The following SEMA3E variants were observed in gnomAD, a reference collection of about 807,000 sequenced individuals.
SEMA3E encodes semaphorin-3E.
In SEMA3E, 49 loss-of-function variants were observed where a neutral mutation model predicts 93.6. That is an observed-to-expected ratio of 0.52 (90% CI 0.42 to 0.66). SEMA3E has a LOEUF of 0.66. Among genes scored for constraint, SEMA3E ranks in the 30% least tolerant of loss-of-function variants. The pLI is 0.00. For missense variants in SEMA3E, 906 were observed against 964.8 expected (o/e 0.94, Z 0.81); for synonymous variants, 363 against 330.7 (o/e 1.10, Z -1.06).
intron 10 of SEMA3E, among the ~76,000 whole-genome samples, chr7:83,402,320 G>C (rs1484331760): frequency 6.6e-6 from 1 of 151,924 alleles, no homozygotes; most frequent in East Asian, 1.9e-4. Flanking sequence ...TCATGTTACT[G>C]AATGTTTCTG....
At chr7:83,407,298 A>AAAT in intron 6 of SEMA3E, 59 bp from the exon 7 acceptor site, 3 of 1,367,368 alleles carry the variant, frequency 2.2e-6, no homozygotes, top group Non-Finnish European at 3.1e-6. Context: ...AATGCTAACA[A>AAAT]GTTATTCCAA....
chr7:83,418,602 C>A (rs772535481), intron 4 of SEMA3E, 119 bp from the exon 5 acceptor site: 16 of 751,328 alleles, frequency 2.1e-5, no homozygotes, highest in Non-Finnish European at 3.5e-5. Flanking sequence ...AATAGAGCAC[C>A]AGTAGCATCA....
intron 2 of SEMA3E, among the ~76,000 whole-genome samples, chr7:83,482,707 A>G (rs1240190750): frequency 1.3e-5 from 2 of 151,930 alleles, no homozygotes; most frequent in African/African-American, 4.8e-5. Context: ...CACAATGCCT[A>G]CTCTTAGGGA....
chr7:83,563,664 G>T (rs1269333162), intron 1 of SEMA3E, among the ~76,000 whole-genome samples: 1 of 152,174 alleles, frequency 6.6e-6, no homozygotes. Flanking sequence ...AAATATGTTA[G>T]TCTGCCTTTA....
intron 1 of SEMA3E, among the ~76,000 whole-genome samples, chr7:83,635,864 G>A: frequency 6.9e-6 from 1 of 144,096 alleles, no homozygotes; most frequent in Non-Finnish European, 1.5e-5. Context: ...TAAAACTTTT[G>A]CACAGAGACA....
intron 1 of SEMA3E, among the ~76,000 whole-genome samples, chr7:83,634,589 T>G (rs1213396381): frequency 2.0e-5 from 3 of 152,122 alleles, no homozygotes; most frequent in East Asian, 1.9e-4. Context: ...TTTAATTGTA[T>G]AGTTGACTTA....
intron 1 of SEMA3E, among the ~76,000 whole-genome samples, chr7:83,560,403 T>C (rs1792006314): frequency 6.6e-6 from 1 of 152,098 alleles, no homozygotes; most frequent in Non-Finnish European, 1.5e-5. Context: ...AGTTGTTTTA[T>C]AAAAACATAG....
intron 16 of SEMA3E, among the ~76,000 whole-genome samples, chr7:83,382,322 A>C (rs985618792): frequency 1.3e-5 from 2 of 152,032 alleles, no homozygotes; most frequent in African/African-American, 4.8e-5. Flanking sequence ...CACATAGAAC[A>C]GTCCTTGGTA....
chr7:83,452,697 C>G (rs1229208251), intron 4 of SEMA3E, among the ~76,000 whole-genome samples: 1 of 152,160 alleles, frequency 6.6e-6, no homozygotes, highest in Non-Finnish European at 1.5e-5. Flanking sequence ...ATCAGAAAAT[C>G]ATTTAACTAG....
At chr7:83,515,722 C>T (rs924346413) in intron 1 of SEMA3E, among the ~76,000 whole-genome samples, 5 of 152,206 alleles carry the variant, frequency 3.3e-5, no homozygotes, top group African/African-American at 7.2e-5. Context: ...AATGTTGAGT[C>T]TCTACACAAA....
chr7:83,460,574 G>A lies in SEMA3E; in HGVS notation c.456+5908C>T, dbSNP rs1035418843. ...CTTTAGCGGCAAGTCCTGCCTTTCT[G>A]GGAAAGGGGCAAGTACCCCAACCCC... On this transcript the variant is annotated intron_variant, in intron 4 of 16. Transcript: ENST00000643230. 6.0e-5 allele frequency among the ~76,000 whole-genome samples: 9 copies of A among 151,162 alleles called. No individual in the cohort carries two copies. In the Middle Eastern group the frequency reaches 0.01, roughly 171 times the overall value.
intron 1 of SEMA3E, among the ~76,000 whole-genome samples, chr7:83,533,942 G>T (rs1791357109): frequency 6.6e-6 from 1 of 152,230 alleles, no homozygotes; most frequent in African/African-American, 2.4e-5. Flanking sequence ...AGGGCTTCTT[G>T]CCTCTAGGAC....
chr7:83,429,477 T>A (rs1242408262), intron 4 of SEMA3E, among the ~76,000 whole-genome samples: 5 of 152,198 alleles, frequency 3.3e-5, no homozygotes, highest in Admixed American at 6.5e-5. Context: ...CCTAGAGTAT[T>A]TGAAGCAAAT....
chr7:83,462,536 T>G lies in SEMA3E; in HGVS notation c.456+3946A>C, dbSNP rs544775888. ...GCCTCCTTCACATCCTCCCCTTGTA[T>G]CTCCCCACCTTAACCCACAAGTATA... On this transcript the variant is annotated intron_variant, in intron 4 of 16. Transcript: ENST00000643230. Among the ~76,000 whole-genome samples, 4 of 152,064 alleles carry G rather than the reference T, an allele frequency of 2.6e-5. No individual in the cohort carries two copies. In the South Asian group the frequency reaches 8.3e-4, roughly 32 times the overall value.
At chr7:83,566,587 T>G (rs1337424971) in intron 1 of SEMA3E, among the ~76,000 whole-genome samples, 1 of 152,190 alleles carries the variant, frequency 6.6e-6, no homozygotes, top group Non-Finnish European at 1.5e-5. Flanking sequence ...AACAATCTCA[T>G]GCCATGAAAC....
At chr7:83,611,302 TATATATAAATTTATGTATA>T (rs1401750884) in intron 1 of SEMA3E, among the ~76,000 whole-genome samples, 4 of 143,744 alleles carry the variant, frequency 2.8e-5, no homozygotes, top group Non-Finnish European at 3.0e-5. Flanking sequence ...TTATATATTA[TATATATAAATTTATGTATA>T]ATATATAAAT....
At chr7:83,502,520 G>A (rs959183023) in intron 1 of SEMA3E, among the ~76,000 whole-genome samples, 3 of 151,962 alleles carry the variant, frequency 2.0e-5, no homozygotes, top group African/African-American at 7.3e-5. Flanking sequence ...CCTCCATGCT[G>A]TTGGCTCCTC....
At chr7:83,646,871 T>C (rs1007514392) in intron 1 of SEMA3E, among the ~76,000 whole-genome samples, 1 of 152,056 alleles carries the variant, frequency 6.6e-6, no homozygotes, top group East Asian at 1.9e-4. Flanking sequence ...TAATAGGGTA[T>C]AAAATGTTAA....
At chr7:83,406,952 T>C in intron 7 of SEMA3E, 145 bp downstream of exon 7, 2 of 911,844 alleles carry the variant, frequency 2.2e-6, no homozygotes, top group Non-Finnish European at 3.4e-6. Flanking sequence ...AGATATGAAA[T>C]GTAGAGGTTG....
Sources: gnomAD v4.1 joint callset for allele counts (sites outside exome capture counted in the v4.1 genomes callset) on GRCh38, gnomAD v4.1.1 for gene constraint, MANE v1.5 for transcripts, NCBI Gene and HGNC (gene_info 2026-07-23, HGNC 2026-07-21) for gene names.